Variants in ASIC2 observed in about 807,000 individuals in gnomAD.
The protein encoded by ASIC2 is acid-sensing ion channel 2.
ASIC2 carries 25 observed loss-of-function variants against 57.3 expected under a neutral mutation model. That is an observed-to-expected ratio of 0.44 (90% confidence interval 0.32 to 0.61). The LOEUF is 0.61. Among genes scored for constraint, ASIC2 ranks in the 20% least tolerant of loss-of-function variants. The pLI is 0.06. For missense variants in ASIC2, 641 were observed against 738.1 expected (o/e 0.87, Z 1.52); for synonymous variants, 319 against 307.5 (o/e 1.04, Z -0.39).
intron 1 of ASIC2, among the ~76,000 whole-genome samples, chr17:34,132,377 C>G (rs563302609): frequency 1.3e-5 from 2 of 152,230 alleles, no homozygotes; most frequent in African/African-American, 4.8e-5. Flanking sequence ...GACAGGTAGA[C>G]GGGTTGCGGC....
At chr17:33,778,458 T>TA (rs373933764) in intron 1 of ASIC2, among the ~76,000 whole-genome samples, 2 of 152,076 alleles carry the variant, frequency 1.3e-5, no homozygotes, top group Non-Finnish European at 2.9e-5. Flanking sequence ...TTCATACCTT[T>TA]AAAAAAACCC....
intron 1 of ASIC2, among the ~76,000 whole-genome samples, chr17:33,467,428 C>T (rs1354829848): frequency 1.3e-5 from 2 of 152,168 alleles, no homozygotes; most frequent in African/African-American, 4.8e-5. Flanking sequence ...GATCCCTCCT[C>T]TTGGAAAAGG....
chr17:33,777,842 C>A (rs1311954206), intron 1 of ASIC2, among the ~76,000 whole-genome samples: 1 of 152,216 alleles, frequency 6.6e-6, no homozygotes, highest in Non-Finnish European at 1.5e-5. Flanking sequence ...GTGCTTCTCT[C>A]CTTCCTCAAA....
intron 1 of ASIC2, among the ~76,000 whole-genome samples, chr17:33,483,982 G>A (rs1913496813): frequency 6.6e-6 from 1 of 152,200 alleles, no homozygotes; most frequent in Admixed American, 6.5e-5. Flanking sequence ...GTGATGATGT[G>A]AGCAGAGATG....
intron 1 of ASIC2, among the ~76,000 whole-genome samples, chr17:33,754,184 C>CCTCTTCTCTCACCTTTGAGAATCAA (rs1910519390): frequency 6.6e-6 from 1 of 152,090 alleles, no homozygotes. Flanking sequence ...ATGTCCCTCC[C>CCTCTTCTCTCACCTTTGAGAATCAA]CTCTTCTCTC....
chr17:33,865,503 T>C (rs1304904550), intron 1 of ASIC2, among the ~76,000 whole-genome samples: 1 of 152,196 alleles, frequency 6.6e-6, no homozygotes, highest in African/African-American at 2.4e-5. Flanking sequence ...TTTCCAGTCA[T>C]AAGCTAATCT....
chr17:33,616,922 C>A (rs748833822), intron 1 of ASIC2, among the ~76,000 whole-genome samples: 10 of 152,212 alleles, frequency 6.6e-5, no homozygotes, highest in Admixed American at 3.9e-4. Context: ...CTTGTGATTT[C>A]CACATTTCCA....
At chr17:34,022,635 A>C (rs1025081941) in intron 1 of ASIC2, among the ~76,000 whole-genome samples, 2 of 150,824 alleles carry the variant, frequency 1.3e-5, no homozygotes, top group Admixed American at 6.6e-5. Flanking sequence ...CCATGAAAAA[A>C]AAAAACAAAA....
chr17:34,032,291 A>G (rs1339624958), intron 1 of ASIC2, among the ~76,000 whole-genome samples: 5 of 152,096 alleles, frequency 3.3e-5, no homozygotes, highest in African/African-American at 1.2e-4. Context: ...GAAATAAAAT[A>G]CTTTACAGAC....
At chr17:33,209,382 C>T (rs112024554) in intron 1 of ASIC2, among the ~76,000 whole-genome samples, 4,826 of 152,248 alleles carry the variant, frequency 0.032, 143 homozygotes, top group Non-Finnish European at 0.045. Context: ...ACCCATGTTG[C>T]ATAAAAAGGA....
intron 1 of ASIC2, among the ~76,000 whole-genome samples, chr17:33,768,263 C>T (rs1469186917): frequency 6.6e-6 from 1 of 152,236 alleles, no homozygotes; most frequent in South Asian, 2.1e-4. Context: ...GCCTCAGCCT[C>T]CCAAAGTGCT....
chr17:33,413,275 C>T (rs1171415390), intron 1 of ASIC2, among the ~76,000 whole-genome samples: 2 of 152,170 alleles, frequency 1.3e-5, no homozygotes, highest in African/African-American at 2.4e-5. Context: ...CATTAATGGC[C>T]CATTGACATT....
At chr17:33,741,112 T>G (rs1258101868) in intron 1 of ASIC2, among the ~76,000 whole-genome samples, 1 of 152,144 alleles carries the variant, frequency 6.6e-6, no homozygotes, top group African/African-American at 2.4e-5. Context: ...TCTAGGCAGG[T>G]CAAGGGCATC....
chr17:33,741,557 A>C (rs1408069415), intron 1 of ASIC2, among the ~76,000 whole-genome samples: 1 of 152,172 alleles, frequency 6.6e-6, no homozygotes, highest in Non-Finnish European at 1.5e-5. Context: ...ATAAAGATAA[A>C]ACAGTAGTGA....
intron 1 of ASIC2, among the ~76,000 whole-genome samples, chr17:34,149,068 C>T (rs765716934): frequency 1.3e-5 from 2 of 151,546 alleles, no homozygotes; most frequent in East Asian, 1.9e-4. Flanking sequence ...CAATTAATGG[C>T]GATTTTTCTT....
At chr17:33,468,686 C>A (rs1912941290) in intron 1 of ASIC2, among the ~76,000 whole-genome samples, 1 of 151,512 alleles carries the variant, frequency 6.6e-6, no homozygotes, top group Non-Finnish European at 1.5e-5. Flanking sequence ...CCACCCCACC[C>A]CCCACACACA....
chr17:33,775,633 A>G (rs1451248017), intron 1 of ASIC2, among the ~76,000 whole-genome samples: 1 of 152,122 alleles, frequency 6.6e-6, no homozygotes, highest in Non-Finnish European at 1.5e-5. Context: ...GTGCATGTGT[A>G]TGTGCTGTGT....
intron 1 of ASIC2, chr17:33,935,486 A>C (rs1485002794): frequency 6.6e-6 from 1 of 152,254 alleles, no homozygotes; most frequent in East Asian, 1.9e-4. Flanking sequence ...TACAACCAGC[A>C]ATAGCAATGA....
intron 1 of ASIC2, among the ~76,000 whole-genome samples, chr17:33,655,634 C>T (rs1907053191): frequency 6.6e-6 from 1 of 152,188 alleles, no homozygotes; most frequent in African/African-American, 2.4e-5. Context: ...CCCTTAATTA[C>T]CCTGTCTAAT....
Sources: gnomAD v4.1 joint callset for allele counts (sites outside exome capture counted in the v4.1 genomes callset) on GRCh38, gnomAD v4.1.1 for gene constraint, MANE v1.5 for transcripts, NCBI Gene and HGNC (gene_info 2026-07-23, HGNC 2026-07-21) for gene names.